Variants in MAPK14 observed in about 807,000 individuals in gnomAD.
MAPK14 encodes mitogen-activated protein kinase 14.
MAPK14 carries 16 observed loss-of-function variants against 49.6 expected under a neutral mutation model. That is an observed-to-expected ratio of 0.32 (90% CI 0.22 to 0.49). The LOEUF (loss-of-function observed/expected upper bound fraction) is 0.49. MAPK14 is among the 20% of genes least tolerant of loss of function. The pLI, the probability that MAPK14 is intolerant of heterozygous loss-of-function variation, is 0.99. For synonymous variants in MAPK14, 142 were observed against 158.0 expected (o/e 0.90, Z 0.76); for missense variants, 200 against 441.2 (o/e 0.45, Z 4.90).
At chr6:36,091,461 G>A (rs1305568029) in intron 8 of MAPK14, among the ~76,000 whole-genome samples, 3 of 152,014 alleles carry the variant, frequency 2.0e-5, no homozygotes, top group Non-Finnish European at 2.9e-5. Context: ...AGAGAAACAG[G>A]GCTAAACCTA....
At chr6:36,100,613 A>G (rs1269652204) in intron 9 of MAPK14, among the ~76,000 whole-genome samples, 1 of 152,202 alleles carries the variant, frequency 6.6e-6, no homozygotes, top group Non-Finnish European at 1.5e-5. Context: ...GTCCATTAGC[A>G]TGCTTTCCAA....
At chr6:36,089,528 T>A (rs1581825972) in intron 8 of MAPK14, among the ~76,000 whole-genome samples, 1 of 152,232 alleles carries the variant, frequency 6.6e-6, no homozygotes, top group Admixed American at 6.5e-5. Flanking sequence ...TGCACTTGTA[T>A]CTCAGAACTT....
chr6:36,094,610 G>A (rs1336264335), intron 8 of MAPK14, among the ~76,000 whole-genome samples: 1 of 152,174 alleles, frequency 6.6e-6, no homozygotes, highest in African/African-American at 2.4e-5. Context: ...TTTAAGTGCT[G>A]CTATGTTGCC....
At chr6:36,112,034 G>A (rs889778114), downstream of MAPK14, among the ~76,000 whole-genome samples, 3 of 151,818 alleles carry the variant, frequency 2.0e-5, no homozygotes, top group South Asian at 2.1e-4. Flanking sequence ...GTGAAACCCC[G>A]TCTCTACTAA....
chr6:36,113,476 G>T (rs867122490), downstream of MAPK14, among the ~76,000 whole-genome samples: 1 of 151,968 alleles, frequency 6.6e-6, no homozygotes, highest in Non-Finnish European at 1.5e-5. Flanking sequence ...TGAATAAGAT[G>T]GTCATCTGTG....
chr6:36,045,135 A>G (rs1763121308), intron 1 of MAPK14, among the ~76,000 whole-genome samples: 1 of 152,084 alleles, frequency 6.6e-6, no homozygotes, highest in Non-Finnish European at 1.5e-5. Context: ...CTTAAAGAAA[A>G]AAAAAAAAAG....
At chr6:36,047,606 C>T (rs1411992284) in intron 1 of MAPK14, among the ~76,000 whole-genome samples, 1 of 152,182 alleles carries the variant, frequency 6.6e-6, no homozygotes, top group Non-Finnish European at 1.5e-5. Flanking sequence ...CTGTATCTTC[C>T]AGGCTAGAGT....
intron 1 of MAPK14, among the ~76,000 whole-genome samples, chr6:36,029,706 A>G (rs533865023): frequency 2.0e-5 from 3 of 152,178 alleles, no homozygotes; most frequent in Non-Finnish European, 2.9e-5. Flanking sequence ...GTGTCCAGCA[A>G]CAGATCATAT....
intron 10 of MAPK14, among the ~76,000 whole-genome samples, chr6:36,103,789 A>G (rs1765714617): frequency 6.6e-6 from 1 of 152,144 alleles, no homozygotes; most frequent in African/African-American, 2.4e-5. Flanking sequence ...CCTCCCTACA[A>G]TAGGGAAGGG....
downstream of MAPK14, among the ~76,000 whole-genome samples, chr6:36,112,193 G>A (rs1170294190): frequency 6.7e-6 from 1 of 148,720 alleles, no homozygotes; most frequent in African/African-American, 2.5e-5. Flanking sequence ...GTGACAGAGT[G>A]AGACTCCGTC....
intron 8 of MAPK14, among the ~76,000 whole-genome samples, chr6:36,084,568 A>G (rs1035239883): frequency 2.1e-4 from 32 of 152,238 alleles, no homozygotes; most frequent in Non-Finnish European, 2.8e-4. Flanking sequence ...CAATAGCCAA[A>G]TAGACCAAGT....
At chr6:36,105,317 A>G (rs1030888119) in intron 10 of MAPK14, among the ~76,000 whole-genome samples, 4 of 152,054 alleles carry the variant, frequency 2.6e-5, no homozygotes, top group Non-Finnish European at 5.9e-5. Flanking sequence ...GTCACGGTTC[A>G]TGATAACCTC....
At chr6:36,117,946 T>C in the MAPK14 span, among the ~76,000 whole-genome samples, 1 of 152,248 alleles carries the variant, frequency 6.6e-6, no homozygotes, top group East Asian at 1.9e-4. Flanking sequence ...CAATAGTCTT[T>C]AGAAGCAAAG....
intron 2 of MAPK14, among the ~76,000 whole-genome samples, chr6:36,054,128 GC>G (rs1763504037): frequency 1.3e-5 from 2 of 152,116 alleles, no homozygotes; most frequent in African/African-American, 4.8e-5. Context: ...AATCAAAGTG[GC>G]CTGGCAGCTT....
chr6:36,095,901 C>A, intron 8 of MAPK14, 86 bp from the exon 9 acceptor site: 1 of 834,120 alleles, frequency 1.2e-6, no homozygotes, highest in South Asian at 1.5e-5. Flanking sequence ...TCGGTGTGTT[C>A]TGTTTGTTTG....
At chr6:36,062,876 A>G (rs1763881297) in intron 3 of MAPK14, among the ~76,000 whole-genome samples, 1 of 151,926 alleles carries the variant, frequency 6.6e-6, no homozygotes, top group Admixed American at 6.6e-5. Context: ...CAGACTGGTC[A>G]TGAACGCTTG....
At position 36,072,436 on chromosome 6, in the gene MAPK14, G is replaced by A. The variant is rs1157715463; in HGVS notation, c.306-437G>A. On this transcript the variant is annotated intron_variant, in intron 3 of 11. Transcript: ENST00000229794. ...AGCTTTTAGCTGTCATCGTGGTACA[G>A]CTACCATTTTAAGGGAAGGGTAGCC... Among the ~76,000 whole-genome samples, 6 of 152,112 alleles carry A rather than the reference G, an allele frequency of 3.9e-5. No homozygotes were observed. In the South Asian group the frequency reaches 1.0e-3, roughly 26 times the overall value.
intron 3 of MAPK14, among the ~76,000 whole-genome samples, chr6:36,062,212 G>A (rs1468343964): frequency 6.6e-6 from 1 of 152,166 alleles, no homozygotes; most frequent in Non-Finnish European, 1.5e-5. Context: ...CCTGAGCTCA[G>A]GTGGTCGCCC....
rs148517049 is a variant in MAPK14, at chr6:36,072,547, A to G, written c.306-326A>G. On this transcript the variant is annotated intron_variant, in intron 3 of 11. Coordinates refer to ENST00000229794, the MANE Select transcript of MAPK14 (RefSeq NM_139012.3). ...TTTGGGAGGCTGAGGCGGGGGGATC[A>G]TGAGGTCAGGAGATCAAGACCATCT... Among the ~76,000 whole-genome samples the G allele has an allele frequency of 1.4e-3, 220 of 151,962 alleles. 1 individual carries two copies. In the East Asian group the frequency reaches 0.016, roughly 11 times the overall value.
Sources: gnomAD v4.1 joint callset for allele counts (sites outside exome capture counted in the v4.1 genomes callset) on GRCh38, gnomAD v4.1.1 for gene constraint, MANE v1.5 for transcripts, NCBI Gene and HGNC (gene_info 2026-07-23, HGNC 2026-07-21) for gene names.